The following PTPN11 variants were observed in gnomAD, a reference collection of about 807,000 sequenced individuals.
PTPN11 encodes the protein protein tyrosine phosphatase non-receptor type 11, also known as tyrosine-protein phosphatase non-receptor type 11.
PTPN11 carries 6 observed loss-of-function variants against 78.8 expected under a neutral mutation model. The ratio of observed to expected loss-of-function variants is 0.08; its 90% CI spans 0.04 to 0.15. The LOEUF (loss-of-function observed/expected upper bound fraction) is 0.15, where lower values mean the gene tolerates loss of function less well. Ranked by LOEUF, PTPN11 falls within the 10% of genes least tolerant of loss-of-function variation. The probability of loss-of-function intolerance (pLI) is 1.00; values close to 1 mark genes in which losing one functional copy is unlikely to be tolerated. For synonymous variants in PTPN11, 221 were observed against 263.5 expected (o/e 0.84, Z 1.56); for missense variants, 386 against 744.8 (o/e 0.52, Z 5.61).
At chr12:112,439,083 G>A (rs1179107146) in intron 1 of PTPN11, among the ~76,000 whole-genome samples, 7 of 151,996 alleles carry the variant, frequency 4.6e-5, no homozygotes, top group Non-Finnish European at 4.4e-5. Flanking sequence ...CTATGACATG[G>A]GTACTGTTAC....
At chr12:112,427,419 G>A in intron 1 of PTPN11, among the ~76,000 whole-genome samples, 1 of 151,656 alleles carries the variant, frequency 6.6e-6, no homozygotes, top group Non-Finnish European at 1.5e-5. Flanking sequence ...GGTGGTGGGT[G>A]CCTGTAGTCC....
At chr12:112,466,831 G>A (rs767350310) in intron 6 of PTPN11, among the ~76,000 whole-genome samples, 74 of 152,160 alleles carry the variant, frequency 4.9e-4, no homozygotes, top group Non-Finnish European at 8.8e-5. Flanking sequence ...CAGTGCAGGC[G>A]AAATGGTCAT....
Position 112,450,345 on chromosome 12 carries a change from G to A in PTPN11, c.165G>A (p.Lys55=). 6.2e-7 allele frequency: 1 copy of A among 1,612,918 alleles called. No individual in the cohort carries two copies. The highest frequency in any genetic ancestry group is 8.5e-7 in the Non-Finnish European group (1 of 1,178,968). ...GAAATGGAGCTGTCACCCACATCAA[G>A]ATTCAGAACACTGGTGATTACTATG... ...VRRNGAVTHI[K]IQNTGDYYDL... The change falls in exon 3 of 16, where the codon AAG becomes AAA. Residue 55 remains lysine (K), a synonymous_variant. Transcript: ENST00000351677.
In PTPN11 at chr12:112,449,736, T is replaced by C. The variant is rs1009510982; in HGVS notation, c.138-582T>C. Among the ~76,000 whole-genome samples, 4 of 152,108 alleles carry C rather than the reference T, an allele frequency of 2.6e-5. No homozygotes were observed. In the East Asian group the frequency reaches 7.7e-4, roughly 29 times the overall value. ...GCTATACAGTTATTGTCACTTAATA[T>C]ATGCAATTCGATAGGCCAGTCATTC... On this transcript the variant is annotated intron_variant, in intron 2 of 15. Coordinates refer to ENST00000351677, the MANE Select transcript of PTPN11 (RefSeq NM_002834.5).
chr12:112,427,471 G>A (rs1352188425), intron 1 of PTPN11, among the ~76,000 whole-genome samples: 3 of 151,668 alleles, frequency 2.0e-5, no homozygotes, highest in Admixed American at 6.6e-5. Context: ...GCGTGAACCC[G>A]GGAGGTGGAG....
chr12:112,421,123 C>T (rs2037516876), intron 1 of PTPN11, among the ~76,000 whole-genome samples: 1 of 152,108 alleles, frequency 6.6e-6, no homozygotes, highest in Non-Finnish European at 1.5e-5. Flanking sequence ...ATTCCTTCTC[C>T]CCTCCAGCCC....
Position 112,455,938 on chromosome 12 carries a change from G to C in PTPN11, c.643-12G>C. The C allele has an allele frequency of 1.4e-6, 2 of 1,427,888 alleles. No homozygotes were observed. Among genetic ancestry groups the C allele is most frequent in the Non-Finnish European group, 2.0e-6 (2 of 1,019,662 alleles). The allele number at this position is 1,427,888 out of a possible 1,614,324, so 88.5% of individuals were successfully genotyped here. ...TTTTCTTTATTTTACATCAACTGCT[G>C]TACTCGATCAGCCCCTTAACACGAC... On this transcript the variant is annotated splice_polypyrimidine_tract_variant and intron_variant, in intron 5 of 15. Transcript: ENST00000351677.
At position 112,482,193 on chromosome 12, in the gene PTPN11, A is replaced by C. The variant is rs1592850343; in HGVS notation, c.1212A>C (p.Ser404=). Residue 404 remains serine, a synonymous_variant, in exon 10 of 16, where the codon TCA becomes TCC. Transcript: ENST00000351677. This position sits in a 1 kb window ranked among gnomAD's most constrained non-coding sequence, Gnocchi z 4.4. ...HDYTLRELKL[S]KVGQGNTERT... is the part of the protein sequence containing the mutation. ...ATACGCTAAGAGAACTTAAACTTTC[A>C]AAGGTTGGACAAGTAAGTATATTGT... 6.2e-7 allele frequency: 1 copy of C among 1,613,528 alleles called. No homozygotes were observed.
In PTPN11 at chr12:112,478,048, G is replaced by GT. The variant is rs772996810; in HGVS notation, c.1092+38dup. ...ACAGAAACTTCTTTTCTGCTAAACT[G>GT]TTTTTAAAGTATCAGACATGTCAGA... On this transcript the variant is annotated intron_variant, in intron 9 of 15. Transcript: ENST00000351677. The GT allele has an allele frequency of 2.5e-6, 4 of 1,611,108 alleles. No individual in the cohort carries two copies. The Admixed American group carries it at 6.7e-5, about 27-fold the overall frequency.
Position 112,489,181 on chromosome 12 carries a change from A to G in PTPN11, c.1599+6A>G, listed in dbSNP as rs1355647459. The G allele has an allele frequency of 1.2e-6, 2 of 1,614,072 alleles. No individual in the cohort carries two copies. On this transcript the variant is annotated splice_donor_region_variant and intron_variant, in intron 13 of 15. Transcript: ENST00000351677. ...GCAGGATTGAAGAAGAGCAGGTACC[A>G]GCCTGAGGGCTGGCATGCGGATTCT...
At chr12:112,488,234 G>T (rs2038703970) in intron 11 of PTPN11, among the ~76,000 whole-genome samples, 1 of 152,188 alleles carries the variant, frequency 6.6e-6, no homozygotes, top group Admixed American at 6.5e-5. Flanking sequence ...CAGGCACGTT[G>T]TACTGGAGAA....
intron 3 of PTPN11, among the ~76,000 whole-genome samples, chr12:112,451,206 A>G (rs540892487): frequency 6.6e-6 from 1 of 152,216 alleles, no homozygotes; most frequent in South Asian, 2.1e-4. Flanking sequence ...TGATTTTTTC[A>G]GCTTATACCT....
intron 6 of PTPN11, among the ~76,000 whole-genome samples, chr12:112,467,455 G>A (rs183213289): frequency 3.2e-4 from 49 of 152,204 alleles, no homozygotes; most frequent in Non-Finnish European, 6.9e-4. Context: ...TCACATGGCC[G>A]GAGTGGTGGC....
intron 6 of PTPN11, among the ~76,000 whole-genome samples, chr12:112,456,414 G>A (rs1742763793): frequency 6.6e-6 from 1 of 150,792 alleles, no homozygotes; most frequent in African/African-American, 2.4e-5. Context: ...TATAGCCTTA[G>A]TGCAGCAAAT....
chr12:112,451,042 G>A (rs931356934), intron 3 of PTPN11, among the ~76,000 whole-genome samples: 1 of 152,096 alleles, frequency 6.6e-6, no homozygotes. Context: ...TGTTATTTTC[G>A]AGATCTTTCC....
At chr12:112,479,164 A>T (rs572148177) in intron 9 of PTPN11, among the ~76,000 whole-genome samples, 1 of 152,314 alleles carries the variant, frequency 6.6e-6, no homozygotes, top group East Asian at 1.9e-4. Context: ...TTAAAAAAAT[A>T]AATTGTAACA....
In PTPN11 at chr12:112,490,882, A is replaced by T. The variant is rs998752905; in HGVS notation, c.1599+1707A>T. Among the ~76,000 whole-genome samples the T allele has an allele frequency of 3.3e-5, 5 of 152,232 alleles. No individual in the cohort carries two copies. In the South Asian group the frequency reaches 8.3e-4, roughly 25 times the overall value. On this transcript the variant is annotated intron_variant, in intron 13 of 15. Coordinates refer to ENST00000351677, the MANE Select transcript of PTPN11 (RefSeq NM_002834.5). ...TGCTGGCTGATTGTGGTAAAGTAAG[A>T]AGTACTTAATTTAGTAGAAAGTTTA... is the stretch of plus-strand genomic sequence containing the variant.
At chr12:112,487,819 T>G (rs921055757) in intron 11 of PTPN11, among the ~76,000 whole-genome samples, 1 of 152,216 alleles carries the variant, frequency 6.6e-6, no homozygotes, top group Non-Finnish European at 1.5e-5. Context: ...AGTCTCACTC[T>G]GTCACCCAGG....
chr12:112,436,496 T>C (rs1030179776), intron 1 of PTPN11, among the ~76,000 whole-genome samples: 14 of 152,188 alleles, frequency 9.2e-5, no homozygotes, highest in Non-Finnish European at 2.9e-5. Context: ...GCTCTGTAGG[T>C]TGCTTCAATA....
Sources: allele counts gnomAD v4.1 joint callset (sites outside exome capture counted in the v4.1 genomes callset), GRCh38; gene constraint gnomAD v4.1.1; non-coding constraint Gnocchi (gnomAD v3.1); transcripts MANE v1.5; gene names NCBI Gene and HGNC (gene_info 2026-07-23, HGNC 2026-07-21).